Variants in CCDC12 observed in about 807,000 individuals in gnomAD.
CCDC12 encodes coiled-coil domain containing 12, also known as coiled-coil domain-containing protein 12.
CCDC12 carries 28 observed loss-of-function variants against 25.7 expected under a neutral mutation model. The observed-to-expected ratio is 1.09, with a 90% confidence interval of 0.81 to 1.50. The LOEUF (loss-of-function observed/expected upper bound fraction) is 1.50. Ranked by LOEUF, CCDC12 falls within the 40% of genes most tolerant of loss-of-function variation. The pLI is 0.00. For synonymous variants in CCDC12, 75 were observed against 87.7 expected, an observed-to-expected ratio of 0.86 and a Z score of 0.81; for missense variants, 198 against 210.0, an observed-to-expected ratio of 0.94 and a Z score of 0.35.
chr3:46,976,801 T>C (rs1038032245), upstream of CCDC12: 5 of 1,548,596 alleles, frequency 3.2e-6, no homozygotes, highest in East Asian at 2.5e-5. Flanking sequence ...TGGATAAATG[T>C]CTCGCGGCCA....
rs1198903085 is a variant in CCDC12 at position 46,951,779 on chromosome 3, CAAAAA to C, written c.97-10719_97-10715del. Among the ~76,000 whole-genome samples the C allele has an allele frequency of 3.5e-3, 48 of 13,658 alleles. 5 individuals carry two copies. The highest frequency in any genetic ancestry group is 0.012 in the African/African-American group (39 of 3,254). 9.0% of individuals were successfully genotyped at this position (13,658 alleles called of 152,430 possible). A position where few individuals can be genotyped will look rare whatever the true frequency, so the allele number is the denominator to read the frequency against. The stretch of plus-strand genomic sequence containing the variant: ...TGGGCGACAGAACGAGACTCCGTCT[CAAAAA>C]AAAAAAAAAAAAAAATATATATATA... On this transcript the variant is annotated intron_variant, in intron 1 of 6. Transcript: ENST00000683445.
At chr3:46,923,399 G>GCCAC (rs1182502068) in intron 4 of CCDC12, 36 bp from the exon 5 acceptor site, 11 of 1,535,900 alleles carry the variant, frequency 7.2e-6, no homozygotes, top group African/African-American at 1.4e-5. Flanking sequence ...GGGTGGAGGG[G>GCCAC]CCACCCCAGG....
chr3:46,970,142 G>C (rs1396313023), intron 1 of CCDC12, among the ~76,000 whole-genome samples: 2 of 152,050 alleles, frequency 1.3e-5, no homozygotes, highest in Non-Finnish European at 2.9e-5. Flanking sequence ...CTGGACTCAA[G>C]TGATCTTCCT....
chr3:46,953,605 CT>C (rs1262084346), intron 1 of CCDC12, among the ~76,000 whole-genome samples: 1 of 151,284 alleles, frequency 6.6e-6, no homozygotes. Flanking sequence ...GCACTCAGGC[CT>C]GACACAGCCT....
chr3:46,962,559 T>C (rs1295458014), intron 1 of CCDC12, among the ~76,000 whole-genome samples: 5 of 147,330 alleles, frequency 3.4e-5, no homozygotes, highest in East Asian at 2.0e-4. Flanking sequence ...TAGAAATCAA[T>C]AGGAAAAACA....
chr3:46,934,221 G>A (rs772471594), intron 2 of CCDC12, among the ~76,000 whole-genome samples: 2 of 152,276 alleles, frequency 1.3e-5, no homozygotes, highest in Non-Finnish European at 2.9e-5. Flanking sequence ...GGGGACAGGG[G>A]CCTGCATAGC....
chr3:46,931,001 GAA>G (rs2033188874), intron 2 of CCDC12, among the ~76,000 whole-genome samples: 1 of 152,236 alleles, frequency 6.6e-6, no homozygotes, highest in African/African-American at 2.4e-5. Flanking sequence ...AAGGAATTCA[GAA>G]GGCACTCAAG....
At chr3:46,928,064 C>T (rs1398462542) in intron 2 of CCDC12, among the ~76,000 whole-genome samples, 2 of 152,134 alleles carry the variant, frequency 1.3e-5, no homozygotes, top group African/African-American at 4.8e-5. Flanking sequence ...GCCTGGCCAA[C>T]AGGGCGAAAC....
chr3:46,958,245 G>T (rs1042531193), intron 1 of CCDC12, among the ~76,000 whole-genome samples: 1 of 152,192 alleles, frequency 6.6e-6, no homozygotes, highest in Admixed American at 6.5e-5. Context: ...TTTAGCAGGA[G>T]ACAAGATAAG....
At chr3:46,946,498 C>T (rs571776313) in intron 1 of CCDC12, among the ~76,000 whole-genome samples, 41 of 152,222 alleles carry the variant, frequency 2.7e-4, no homozygotes, top group Admixed American at 4.6e-4. Context: ...GACATGAGAG[C>T]GGAGCAAGAG....
rs1423065457 is a variant in CCDC12, at chr3:46,921,920, G to A, written c.*137C>T. On this transcript the variant is annotated 3_prime_UTR_variant, in exon 7 of 7. Coordinates refer to ENST00000683445, the MANE Select transcript of CCDC12 (RefSeq NM_001277074.2). ...GACAAGGAGCTGACCTCATCCATGG[G>A]GGTTTCAGACTTGATGGGCAGGGAG... The A allele has an allele frequency of 1.2e-5, 10 of 864,298 alleles. No homozygotes were observed. The highest frequency in any genetic ancestry group is 3.4e-5 in the African/African-American group (2 of 59,352). 53.5% of individuals were successfully genotyped at this position (864,298 alleles called of 1,614,324 possible).
intron 1 of CCDC12, among the ~76,000 whole-genome samples, chr3:46,956,259 T>C (rs1191445555): frequency 6.6e-6 from 1 of 152,208 alleles, no homozygotes; most frequent in African/African-American, 2.4e-5. Context: ...GGAACGGTTA[T>C]AAACAGCACC....
chr3:46,942,722 T>C (rs1056194018), intron 1 of CCDC12, among the ~76,000 whole-genome samples: 3 of 152,074 alleles, frequency 2.0e-5, no homozygotes, highest in African/African-American at 7.2e-5. Context: ...GGGCAGCTCA[T>C]CTCATGGCAA....
chr3:46,931,683 T>C (rs1280205011), intron 2 of CCDC12, among the ~76,000 whole-genome samples: 3 of 152,178 alleles, frequency 2.0e-5, no homozygotes, highest in African/African-American at 7.2e-5. Flanking sequence ...GTCCTCCACC[T>C]GGCCACCCTG....
intron 2 of CCDC12, among the ~76,000 whole-genome samples, chr3:46,938,325 C>G (rs2033539609): frequency 1.3e-5 from 2 of 152,104 alleles, no homozygotes; most frequent in Non-Finnish European, 2.9e-5. Context: ...ATGGCAGGGC[C>G]TCTTTTATCT....
intron 2 of CCDC12, among the ~76,000 whole-genome samples, chr3:46,932,610 G>T (rs7645278): frequency 0.32 from 47,992 of 152,070 alleles, 8,061 homozygotes; most frequent in East Asian, 0.54. Flanking sequence ...AGAGGACAAG[G>T]TCTATTGGAG....
upstream of CCDC12, among the ~76,000 whole-genome samples, chr3:46,978,701 C>T (rs1575571643): frequency 6.6e-6 from 1 of 152,004 alleles, no homozygotes; most frequent in East Asian, 1.9e-4. Flanking sequence ...AAAACAGAGC[C>T]GGCCGGGTGC....
intron 1 of CCDC12, among the ~76,000 whole-genome samples, chr3:46,962,766 C>T (rs1044089203): frequency 6.6e-6 from 1 of 152,158 alleles, no homozygotes; most frequent in Non-Finnish European, 1.5e-5. Flanking sequence ...CCATACAGTG[C>T]TGGTCAGAGT....
At chr3:46,952,921 C>T (rs894940176) in intron 1 of CCDC12, among the ~76,000 whole-genome samples, 4 of 152,206 alleles carry the variant, frequency 2.6e-5, no homozygotes, top group Admixed American at 6.5e-5. Flanking sequence ...AGGCTTCAAG[C>T]ATAGGCTGAT....
Sources: gnomAD v4.1 joint callset for allele counts (sites outside exome capture counted in the v4.1 genomes callset) on GRCh38, gnomAD v4.1.1 for gene constraint, MANE v1.5 for transcripts, NCBI Gene and HGNC (gene_info 2026-07-23, HGNC 2026-07-21) for gene names.